Variants in FANCI observed in about 807,000 individuals in gnomAD.
FANCI encodes the protein FA complementation group I, also known as Fanconi anemia group I protein.
FANCI carries 156 observed loss-of-function variants against 176.1 expected under a neutral mutation model. That is an observed-to-expected ratio of 0.89 (90% CI 0.78 to 1.01). FANCI has a LOEUF of 1.01. Ranked by LOEUF, FANCI falls within the 50% of genes least tolerant of loss-of-function variation. The pLI is 0.00. For synonymous variants in FANCI, 613 were observed against 541.7 expected (o/e 1.13, Z -1.83); for missense variants, 1,678 against 1,534.1 (o/e 1.09, Z -1.57).
intron 32 of FANCI, among the ~76,000 whole-genome samples, chr15:89,306,894 G>A (rs2054743808): frequency 6.6e-6 from 1 of 152,122 alleles, no homozygotes; most frequent in Non-Finnish European, 1.5e-5. Context: ...TTAAAGAGAT[G>A]TTTATTCCTT....
intron 27 of FANCI, among the ~76,000 whole-genome samples, chr15:89,302,864 C>T (rs368211311): frequency 5.3e-4 from 81 of 152,204 alleles, no homozygotes; most frequent in African/African-American, 6.3e-4. Context: ...TGAGCCACCG[C>T]GCCTGGCCAA....
chr15:89,262,106 C>A (rs1160671495), intron 6 of FANCI, among the ~76,000 whole-genome samples: 1 of 152,140 alleles, frequency 6.6e-6, no homozygotes, highest in Non-Finnish European at 1.5e-5. Flanking sequence ...ACTGTATCTT[C>A]TTACAGCAAT....
At chr15:89,254,448 T>G (rs903056515) in intron 2 of FANCI, among the ~76,000 whole-genome samples, 2 of 152,166 alleles carry the variant, frequency 1.3e-5, no homozygotes, top group African/African-American at 4.8e-5. Flanking sequence ...CTTGAAGGGT[T>G]TCCCTTTGGC....
chr15:89,272,595 C>T (rs72762643), intron 10 of FANCI, among the ~76,000 whole-genome samples: 1 of 152,120 alleles, frequency 6.6e-6, no homozygotes, highest in African/African-American at 2.4e-5. Context: ...ATGTTTTCCT[C>T]TAAAAATATT....
chr15:89,295,784 G>C (rs1020808702), intron 24 of FANCI, among the ~76,000 whole-genome samples: 18 of 93,744 alleles, frequency 1.9e-4, no homozygotes, highest in Non-Finnish European at 3.5e-4. Flanking sequence ...CTTTTTTTTT[G>C]GCTTTTTTTG....
At chr15:89,263,057 G>T (rs748306128) in intron 6 of FANCI, among the ~76,000 whole-genome samples, 1 of 152,168 alleles carries the variant, frequency 6.6e-6, no homozygotes, top group African/African-American at 2.4e-5. Flanking sequence ...ATATCTAGAT[G>T]ACCTTTTATA....
intron 23 of FANCI, among the ~76,000 whole-genome samples, chr15:89,294,698 G>C (rs182901922): frequency 1.6e-4 from 25 of 152,232 alleles, no homozygotes; most frequent in African/African-American, 6.0e-4. Context: ...ATTTGGGGAG[G>C]GAGAGAAAAT....
intron 12 of FANCI, among the ~76,000 whole-genome samples, chr15:89,275,421 G>A (rs977958180): frequency 2.0e-5 from 3 of 152,092 alleles, no homozygotes; most frequent in African/African-American, 7.2e-5. Flanking sequence ...TGTTGTAACA[G>A]TCTTTACTAT....
At chr15:89,307,887 G>A (rs565907903) in intron 34 of FANCI, 1 of 1,436,532 alleles carries the variant, frequency 7.0e-7, no homozygotes, top group South Asian at 1.5e-5. Flanking sequence ...TTGGAGAAAG[G>A]AAGCATATAT....
Position 89,298,650 on chromosome 15 carries a change from A to G in FANCI, c.2637-1150A>G, listed in dbSNP as rs538793448. Among the ~76,000 whole-genome samples the G allele has an allele frequency of 5.3e-4, 81 of 152,300 alleles. 3 individuals carry two copies. In the South Asian group the frequency reaches 0.016, roughly 30 times the overall value. ...AAGAAGCAGAAAATTAAAATAGAAAACATTAAAAGAAAGCTGGTTCTTTGA... is the reference window on the plus strand; with the variant it reads ...AAGAAGCAGAAAATTAAAATAGAAAGCATTAAAAGAAAGCTGGTTCTTTGA... On this transcript the variant is annotated intron_variant, in intron 24 of 37. Coordinates refer to ENST00000310775, the MANE Select transcript of FANCI (RefSeq NM_001113378.2).
chr15:89,254,556 T>C (rs75113754), intron 2 of FANCI, among the ~76,000 whole-genome samples: 1,898 of 152,188 alleles, frequency 0.012, 35 homozygotes, highest in African/African-American at 0.043. Flanking sequence ...ATAAATAAAT[T>C]ACTTTGGGAG....
rs2055026560 is a variant in FANCI, at chr15:89,312,903, G to C, written c.3652-1G>C. On this transcript the variant is annotated splice_acceptor_variant, in intron 34 of 37. Transcript: ENST00000310775. LOFTEE classifies it high-confidence loss of function. ...AAGAGAATGTGTTTCTATTTCTTTA[G>C]AATAAGAGTAAGAGCCTGAACTATA... is the stretch of plus-strand genomic sequence containing the variant. 6.2e-7 allele frequency: 1 copy of C among 1,612,146 alleles called. No homozygotes were observed. The highest frequency in any genetic ancestry group is 1.1e-5 in the South Asian group (1 of 91,014).
In FANCI at chr15:89,282,797, T is replaced by C. The variant is rs2053665196; in HGVS notation, c.1584-339T>C. ...AGAGCATATGAAGGGAAGCACTCCT[T>C]CAAACATGGCAAAATCAGCAATTTC... On this transcript the variant is annotated intron_variant, in intron 16 of 37. Coordinates refer to ENST00000310775, the MANE Select transcript of FANCI (RefSeq NM_001113378.2). The C allele has an allele frequency of 8.5e-6, 3 of 351,108 alleles. 1 individual carries two copies. The highest frequency in any genetic ancestry group is 7.3e-5 in the South Asian group (3 of 40,898). 21.7% of individuals were successfully genotyped at this position (351,108 alleles called of 1,614,324 possible).
At chr15:89,315,470 G>A (rs1182749975) in intron 37 of FANCI, 81 bp downstream of exon 37, 1 of 937,760 alleles carries the variant, frequency 1.1e-6, no homozygotes, top group African/African-American at 1.6e-5. Flanking sequence ...ACAGATTAGT[G>A]GAAGGGCAAC....
chr15:89,315,570 A>T (rs189859561), intron 37 of FANCI, among the ~76,000 whole-genome samples, 181 bp downstream of exon 37: 108 of 152,344 alleles, frequency 7.1e-4, no homozygotes, highest in African/African-American at 2.3e-3. Context: ...ACAAAATCCT[A>T]TGAAGTTGCC....
At chr15:89,292,594 C>G in intron 20 of FANCI, 94 bp from the exon 21 acceptor site, 9 of 1,249,350 alleles carry the variant, frequency 7.2e-6, no homozygotes, top group Non-Finnish European at 1.0e-5. Context: ...TTTTCTTTAG[C>G]CTTATAGATA....
Position 89,299,982 on chromosome 15 carries a change from T to G in FANCI, c.2803+16T>G. On this transcript the variant is annotated intron_variant, in intron 25 of 37. Coordinates refer to ENST00000310775, the MANE Select transcript of FANCI (RefSeq NM_001113378.2). ...AGAGCTCTGGGTAAGCATTGCAGTA[T>G]CAATAAATAGGCTTGATTTAGGTTT... The G allele has an allele frequency of 6.2e-7, 1 of 1,613,660 alleles. No homozygotes were observed. The highest frequency in any genetic ancestry group is 8.5e-7 in the Non-Finnish European group (1 of 1,179,778).
At chr15:89,244,990 A>G (rs1188936829) in intron 1 of FANCI, among the ~76,000 whole-genome samples, 1 of 152,210 alleles carries the variant, frequency 6.6e-6, no homozygotes, top group Non-Finnish European at 1.5e-5. Flanking sequence ...TGATAAACAA[A>G]ACCAGCTACG....
chr15:89,312,884 ATG>A lies in FANCI; in HGVS notation c.3652-16_3652-15del. 1.9e-6 allele frequency: 3 copies of A among 1,594,228 alleles called. No individual in the cohort carries two copies. The highest frequency in any genetic ancestry group is 2.6e-6 in the Non-Finnish European group (3 of 1,162,174). The stretch of plus-strand genomic sequence containing the variant: ...CAGAAAAATCATCAGGAATAAGAGA[ATG>A]TGTTTCTATTTCTTTAGAATAAGAG... On this transcript the variant is annotated intron_variant, in intron 34 of 37. Transcript: ENST00000310775.
Sources: gnomAD v4.1 joint callset for allele counts (sites outside exome capture counted in the v4.1 genomes callset) on GRCh38, gnomAD v4.1.1 for gene constraint, MANE v1.5 for transcripts, NCBI Gene and HGNC (gene_info 2026-07-23, HGNC 2026-07-21) for gene names.